The following DMD variants were observed in gnomAD, a reference collection of about 807,000 sequenced individuals.
DMD encodes the protein dystrophin.
In DMD, 63 loss-of-function variants were observed where a neutral mutation model predicts 330.1. The observed-to-expected ratio is 0.19, with a 90% CI of 0.16 to 0.24. The LOEUF is 0.24. DMD is among the 10% of genes least tolerant of loss of function. The pLI is 1.00. For missense variants in DMD, 3,344 were observed against 2,684.1 expected, an observed-to-expected ratio of 1.25 and a Z score of -5.43; for synonymous variants, 1,223 against 959.8, an observed-to-expected ratio of 1.27 and a Z score of -5.07.
At chrX:33,163,644 C>G (rs202004181) in intron 1 of DMD, among the ~76,000 whole-genome samples, 4 of 100,989 alleles carry the variant, frequency 4.0e-5, no homozygotes, top group African/African-American at 8.0e-5. Flanking sequence ...ATCTATCTAT[C>G]TATCTATCTA....
At chrX:32,113,870 T>C (rs1312661767) in intron 44 of DMD, among the ~76,000 whole-genome samples, 4 of 111,872 alleles carry the variant, frequency 3.6e-5, no homozygotes, top group Admixed American at 1.9e-4. Flanking sequence ...ATTTCAACAT[T>C]TCTGCCTTTC....
chrX:31,226,755 A>T (rs2046634384), intron 63 of DMD, among the ~76,000 whole-genome samples: 1 of 111,810 alleles, frequency 8.9e-6, no homozygotes, highest in Non-Finnish European at 1.9e-5. Flanking sequence ...CTTCACCAGT[A>T]CCATCAAATT....
At chrX:32,474,196 T>TACACACAC (rs1405187750) in intron 21 of DMD, among the ~76,000 whole-genome samples, 2 of 39,746 alleles carry the variant, frequency 5.0e-5, no homozygotes, top group African/African-American at 1.3e-4. Context: ...CCATCATATA[T>TACACACAC]ACATACATAC....
At chrX:32,401,197 G>C in intron 30 of DMD, among the ~76,000 whole-genome samples, 1 of 86,938 alleles carries the variant, frequency 1.2e-5, no homozygotes, top group African/African-American at 4.4e-5. Flanking sequence ...GGGGGGAGGG[G>C]GGAGGGATAG....
chrX:32,698,926 A>G (rs2063862875), intron 8 of DMD, among the ~76,000 whole-genome samples, 186 bp downstream of exon 8: 1 of 108,297 alleles, frequency 9.2e-6, no homozygotes, highest in South Asian at 3.9e-4. Context: ...TGAAATGAAT[A>G]TTGTAGTCAA....
At position 32,389,648 on chromosome X, in the gene DMD, C is replaced by T; in HGVS notation, c.4371G>A (p.Lys1457=). The T allele has an allele frequency of 1.7e-6, 2 of 1,210,699 alleles. No homozygotes were observed. The highest frequency in any genetic ancestry group is 2.2e-6 in the Non-Finnish European group (2 of 895,000). Residue 1457 remains lysine, a synonymous_variant, in exon 32 of 79, where the codon AAG becomes AAA. Transcript: ENST00000357033. ...TGGCTGGTTTCTGGAATAATCGAAA[C>T]TTCATGGAGACATCTTGTAATTTTT... ...AQKKLQDVSM[K]FRLFQKPANF... is the part of the protein sequence containing the mutation.
chrX:33,016,560 G>T (rs915792180), intron 2 of DMD, among the ~76,000 whole-genome samples: 1 of 111,146 alleles, frequency 9.0e-6, no homozygotes, highest in Non-Finnish European at 1.9e-5. Context: ...ATCATATCAT[G>T]GGCTTTTGTG....
At chrX:31,936,051 A>T (rs886415351) in intron 45 of DMD, among the ~76,000 whole-genome samples, 1 of 110,777 alleles carries the variant, frequency 9.0e-6, no homozygotes, top group East Asian at 2.8e-4. Context: ...TTATTCTACT[A>T]TGTGTCTCTG....
At chrX:32,796,638 A>G (rs377268516) in intron 7 of DMD, among the ~76,000 whole-genome samples, 205 of 112,200 alleles carry the variant, frequency 1.8e-3, no homozygotes, top group African/African-American at 6.1e-3. Flanking sequence ...ATAAATACTC[A>G]AAGTAATGAA....
intron 43 of DMD, among the ~76,000 whole-genome samples, chrX:32,254,930 C>A (rs1477701681): frequency 2.7e-5 from 3 of 111,761 alleles, no homozygotes; most frequent in Non-Finnish European, 5.6e-5. Flanking sequence ...AACATCACCA[C>A]CATCTATCTC....
intron 9 of DMD, among the ~76,000 whole-genome samples, chrX:32,682,218 T>C (rs1175339586): frequency 8.9e-6 from 1 of 111,924 alleles, no homozygotes; most frequent in African/African-American, 3.2e-5. Flanking sequence ...TTCCCCATGC[T>C]TGGTTCACTG....
chrX:32,328,547 T>C (rs1057262500), intron 41 of DMD, among the ~76,000 whole-genome samples: 6 of 111,223 alleles, frequency 5.4e-5, no homozygotes, highest in African/African-American at 2.0e-4. Flanking sequence ...GAGGTGATGG[T>C]TTTCATGCTT....
intron 51 of DMD, among the ~76,000 whole-genome samples, chrX:31,734,491 C>A (rs747002021): frequency 4.5e-5 from 5 of 111,209 alleles, no homozygotes; most frequent in Non-Finnish European, 9.4e-5. Flanking sequence ...TTTTAGTTGT[C>A]GTATCTCCTT....
chrX:33,124,610 T>C (rs1242257819), intron 1 of DMD, among the ~76,000 whole-genome samples: 1 of 109,853 alleles, frequency 9.1e-6, no homozygotes, highest in Non-Finnish European at 1.9e-5. Flanking sequence ...TGAATTCCCA[T>C]TACATTCCAA....
intron 20 of DMD, among the ~76,000 whole-genome samples, chrX:32,485,355 A>G (rs1319887179): frequency 9.0e-6 from 1 of 110,957 alleles, no homozygotes; most frequent in African/African-American, 3.3e-5. Context: ...TAGAGCATTA[A>G]TGGGTATGAA....
rs112070178 is a variant in DMD at position 31,217,313 on chromosome X, A to G, written c.9361+5734T>C. 2.8e-3 allele frequency among the ~76,000 whole-genome samples: 312 copies of G among 112,172 alleles called. 3 individuals carry two copies. The highest frequency in any genetic ancestry group is 9.6e-3 in the African/African-American group (297 of 30,898). On this transcript the variant is annotated intron_variant, in intron 64 of 78. Coordinates refer to ENST00000357033, the MANE Select transcript of DMD (RefSeq NM_004006.3). ...GGAGTCATGCAACACTTAACTGATT[A>G]CAAACTGGGGACATTATAGGCCAAC...
chrX:31,798,106 C>T (rs1050255287), intron 50 of DMD, among the ~76,000 whole-genome samples: 5 of 111,846 alleles, frequency 4.5e-5, no homozygotes, highest in African/African-American at 9.7e-5. Context: ...TAAAATATAT[C>T]GGGTTGAATG....
At chrX:32,767,748 T>G (rs2073160524) in intron 7 of DMD, among the ~76,000 whole-genome samples, 1 of 111,949 alleles carries the variant, frequency 8.9e-6, no homozygotes, top group Non-Finnish European at 1.9e-5. Flanking sequence ...TGCAAGTATT[T>G]GATTCTACTG....
intron 2 of DMD, among the ~76,000 whole-genome samples, chrX:32,866,291 C>G (rs1366875248): frequency 8.9e-6 from 1 of 112,147 alleles, no homozygotes; most frequent in Non-Finnish European, 1.9e-5. Context: ...AGGTGAAGAA[C>G]TTCCTGGCTA....
Sources: gnomAD v4.1 joint callset for allele counts (sites outside exome capture counted in the v4.1 genomes callset) on GRCh38, gnomAD v4.1.1 for gene constraint, MANE v1.5 for transcripts, NCBI Gene and HGNC (gene_info 2026-07-23, HGNC 2026-07-21) for gene names.